Variants in CSMD3 observed in about 807,000 individuals in gnomAD.
CSMD3 encodes the protein CUB and Sushi multiple domains 3, also known as CUB and sushi domain-containing protein 3.
Under a neutral mutation model 435.2 loss-of-function variants are expected in CSMD3, and 177 were observed. The ratio of observed to expected loss-of-function variants is 0.41; its 90% CI spans 0.36 to 0.46. The LOEUF (loss-of-function observed/expected upper bound fraction) is 0.46. Among genes scored for constraint, CSMD3 ranks in the 20% least tolerant of loss-of-function variants. The probability of loss-of-function intolerance (pLI) is 0.34; values close to 1 mark genes in which losing one functional copy is unlikely to be tolerated. For missense variants in CSMD3, 4,265 were observed against 4,504.6 expected (o/e 0.95, Z 1.52); for synonymous variants, 1,656 against 1,520.5 (o/e 1.09, Z -2.07).
chr8:112,583,178 T>A (rs550537616), intron 23 of CSMD3, among the ~76,000 whole-genome samples: 1 of 152,022 alleles, frequency 6.6e-6, no homozygotes, highest in Non-Finnish European at 1.5e-5. Flanking sequence ...TGCTGAGGAA[T>A]AATATACAAA....
Position 112,656,302 on chromosome 8 carries a change from A to G in CSMD3, c.2856T>C (p.His952=). ...TELNYDVLEV[H]DGPNLLSPLL... is the part of the protein sequence containing the mutation. ...AGGGTGACAGAAGATTTGGCCCATCATGAACTTCCAGAACATCATAATTCA... is the reference window on the plus strand; with the variant it reads ...AGGGTGACAGAAGATTTGGCCCATCGTGAACTTCCAGAACATCATAATTCA... The change falls in exon 18 of 71, where the codon CAT becomes CAC. Residue 952 remains histidine, a synonymous_variant. Transcript: ENST00000297405. 1 of 1,613,624 alleles carries G rather than the reference A, an allele frequency of 6.2e-7. No homozygotes were observed. The highest frequency in any genetic ancestry group is 8.5e-7 in the Non-Finnish European group (1 of 1,179,694).
chr8:113,257,190 C>T lies in CSMD3; in HGVS notation c.514+21402G>A, dbSNP rs1361495023. ...TTGGGAGGCCGAGGCGGGCGGATCA[C>T]GTGGTCAGGAGATCAAGACCTTCCT... is the stretch of plus-strand genomic sequence containing the variant. On this transcript the variant is annotated intron_variant, in intron 3 of 70. Transcript: ENST00000297405. Among the ~76,000 whole-genome samples the T allele has an allele frequency of 5.3e-5, 8 of 152,062 alleles. No individual in the cohort carries two copies. The East Asian group carries it at 1.2e-3, about 22-fold the overall frequency.
At chr8:113,435,408 A>T (rs570120062) in intron 1 of CSMD3, among the ~76,000 whole-genome samples, 16 of 152,238 alleles carry the variant, frequency 1.1e-4, no homozygotes, top group Non-Finnish European at 2.1e-4. Flanking sequence ...CCTCCTCCCA[A>T]AACATGAATT....
At chr8:112,225,839 T>C (rs1812504728) in intron 70 of CSMD3, among the ~76,000 whole-genome samples, 1 of 152,176 alleles carries the variant, frequency 6.6e-6, no homozygotes, top group African/African-American at 2.4e-5. Context: ...TAGAGGATGC[T>C]GGTCTTGAAA....
chr8:112,755,606 G>T (rs1055035087), intron 13 of CSMD3, among the ~76,000 whole-genome samples: 2 of 150,362 alleles, frequency 1.3e-5, no homozygotes, highest in African/African-American at 4.9e-5. Context: ...CCAGTCTCAG[G>T]TATGTCTTTA....
intron 10 of CSMD3, among the ~76,000 whole-genome samples, chr8:112,860,779 C>T (rs961537338): frequency 6.6e-6 from 1 of 151,832 alleles, no homozygotes; most frequent in African/African-American, 2.4e-5. Context: ...TTCTGCTCTA[C>T]CATATTATTT....
At chr8:113,312,422 T>C (rs2093876678) in intron 2 of CSMD3, 1 of 152,170 alleles carries the variant, frequency 6.6e-6, no homozygotes, top group Non-Finnish European at 1.5e-5. Flanking sequence ...ATAAAATCTC[T>C]GTGAATTAAG....
At chr8:112,841,063 A>C (rs905619801) in intron 11 of CSMD3, among the ~76,000 whole-genome samples, 1 of 151,782 alleles carries the variant, frequency 6.6e-6, no homozygotes, top group African/African-American at 2.4e-5. Context: ...AATCAAGGTA[A>C]GATGATAGAG....
At chr8:113,270,361 T>C (rs2093512416) in intron 3 of CSMD3, among the ~76,000 whole-genome samples, 1 of 151,572 alleles carries the variant, frequency 6.6e-6, no homozygotes, top group South Asian at 2.1e-4. Context: ...AGAGGAACAC[T>C]TTTACACTGT....
chr8:112,332,097 T>C (rs1443024635), intron 45 of CSMD3, among the ~76,000 whole-genome samples: 2 of 152,214 alleles, frequency 1.3e-5, no homozygotes, highest in Admixed American at 6.5e-5. Flanking sequence ...CACTTCCCAC[T>C]GTAACACTAA....
intron 3 of CSMD3, among the ~76,000 whole-genome samples, chr8:113,216,362 A>G (rs2132105921): frequency 6.6e-6 from 1 of 151,988 alleles, no homozygotes; most frequent in South Asian, 2.1e-4. Flanking sequence ...TCATATGGGC[A>G]TTGAGATATA....
intron 5 of CSMD3, among the ~76,000 whole-genome samples, chr8:113,038,554 G>C (rs751174795): frequency 1.3e-5 from 2 of 152,134 alleles, no homozygotes; most frequent in Non-Finnish European, 2.9e-5. Flanking sequence ...GAATCAAGGG[G>C]TACATGGCCT....
At chr8:112,391,395 C>T (rs1313652124) in intron 35 of CSMD3, among the ~76,000 whole-genome samples, 1 of 152,092 alleles carries the variant, frequency 6.6e-6, no homozygotes, top group Non-Finnish European at 1.5e-5. Flanking sequence ...TGCCCAAGAT[C>T]ACATATGAAG....
At chr8:112,521,719 T>G (rs1270546961) in intron 27 of CSMD3, among the ~76,000 whole-genome samples, 1 of 151,888 alleles carries the variant, frequency 6.6e-6, no homozygotes, top group Non-Finnish European at 1.5e-5. Context: ...TCTCTTCAAG[T>G]GCCTATTTAA....
intron 32 of CSMD3, among the ~76,000 whole-genome samples, chr8:112,417,255 T>C (rs947144621): frequency 5.3e-5 from 8 of 152,188 alleles, no homozygotes; most frequent in Non-Finnish European, 8.8e-5. Flanking sequence ...AGCATTCAAT[T>C]TCTGGAATCA....
chr8:112,627,393 G>C (rs188431114), intron 22 of CSMD3, among the ~76,000 whole-genome samples: 1 of 152,044 alleles, frequency 6.6e-6, no homozygotes, highest in African/African-American at 2.4e-5. Context: ...TGGCACTTTC[G>C]TAATTCTTTC....
chr8:112,776,809 G>A (rs748383546), intron 13 of CSMD3, among the ~76,000 whole-genome samples: 1 of 151,552 alleles, frequency 6.6e-6, no homozygotes, highest in Non-Finnish European at 1.5e-5. Flanking sequence ...TCTATATCAA[G>A]GCTGTTTGAG....
chr8:113,251,799 A>T (rs1407585933), intron 3 of CSMD3, among the ~76,000 whole-genome samples: 3 of 152,074 alleles, frequency 2.0e-5, no homozygotes, highest in Non-Finnish European at 4.4e-5. Context: ...TAGTGACCTG[A>T]ATTCTCCATG....
intron 1 of CSMD3, among the ~76,000 whole-genome samples, chr8:113,416,915 A>G (rs2094584276): frequency 6.6e-6 from 1 of 152,062 alleles, no homozygotes; most frequent in Non-Finnish European, 1.5e-5. Flanking sequence ...AACAGGCAAA[A>G]CTGATGTTTA....
Sources: allele counts gnomAD v4.1 joint callset (sites outside exome capture counted in the v4.1 genomes callset), GRCh38; gene constraint gnomAD v4.1.1; transcripts MANE v1.5; gene names NCBI Gene and HGNC (gene_info 2026-07-23, HGNC 2026-07-21).